The following TMEM117 variants were observed in gnomAD, a reference collection of about 807,000 sequenced individuals.
The protein encoded by TMEM117 is transmembrane protein 117.
In TMEM117, 27 loss-of-function variants were observed where a neutral mutation model predicts 52.4. That is an observed-to-expected ratio of 0.51 (90% CI 0.38 to 0.71). TMEM117 has a LOEUF of 0.71. Among genes scored for constraint, TMEM117 ranks in the 30% least tolerant of loss-of-function variants. The pLI is 0.00. For missense variants in TMEM117, 556 were observed against 630.5 expected (o/e 0.88, Z 1.26); for synonymous variants, 215 against 206.3 (o/e 1.04, Z -0.36).
In TMEM117 at chr12:43,952,942, C is replaced by A. The variant is rs149992423; in HGVS notation, c.410+8600C>A. The stretch of plus-strand genomic sequence containing the variant: ...GGAAGCCCATCAGACTAACAGCAGA[C>A]CCCTAAGCAGAAACCCTGCAAGCCA... On this transcript the variant is annotated intron_variant, in intron 3 of 7. Coordinates refer to ENST00000266534, the MANE Select transcript of TMEM117 (RefSeq NM_032256.3). 1.3e-3 allele frequency among the ~76,000 whole-genome samples: 197 copies of A among 152,236 alleles called. 1 individual carries two copies. The highest frequency in any genetic ancestry group is 4.6e-3 in the African/African-American group (189 of 41,534).
At chr12:44,272,554 G>A (rs192575584) in intron 5 of TMEM117, among the ~76,000 whole-genome samples, 5 of 152,228 alleles carry the variant, frequency 3.3e-5, no homozygotes, top group African/African-American at 4.8e-5. Context: ...CAACAAGTGG[G>A]CGAAGGATAT....
At chr12:44,164,968 A>G (rs1261986489) in intron 4 of TMEM117, among the ~76,000 whole-genome samples, 1 of 152,178 alleles carries the variant, frequency 6.6e-6, no homozygotes, top group African/African-American at 2.4e-5. Flanking sequence ...TATACAATAT[A>G]TTGTTAACTA....
At chr12:44,364,260 AC>A (rs1951761216) in intron 6 of TMEM117, among the ~76,000 whole-genome samples, 1 of 152,008 alleles carries the variant, frequency 6.6e-6, no homozygotes, top group South Asian at 2.1e-4. Flanking sequence ...CATTTTCAGA[AC>A]CATGGGTTTA....
intron 2 of TMEM117, among the ~76,000 whole-genome samples, chr12:43,938,926 G>A (rs1944998301): frequency 6.6e-6 from 1 of 152,106 alleles, no homozygotes; most frequent in South Asian, 2.1e-4. Context: ...CTTGAGCCCA[G>A]GCGGTGGAGG....
intron 3 of TMEM117, among the ~76,000 whole-genome samples, chr12:44,038,485 C>T (rs1480722451): frequency 1.3e-5 from 2 of 152,198 alleles, no homozygotes; most frequent in Non-Finnish European, 2.9e-5. Flanking sequence ...GCAGTGACTG[C>T]ACCCCATACT....
intron 2 of TMEM117, among the ~76,000 whole-genome samples, chr12:43,902,776 G>A (rs571738308): frequency 6.6e-6 from 1 of 152,152 alleles, no homozygotes; most frequent in African/African-American, 2.4e-5. Flanking sequence ...TTACTCAAAT[G>A]GCATCAAGTA....
intron 3 of TMEM117, among the ~76,000 whole-genome samples, chr12:44,003,931 T>C (rs2638852): frequency 0.99 from 150,739 of 152,328 alleles, 74,604 homozygotes; most frequent in Middle Eastern, 1. Flanking sequence ...AGGGCAGACT[T>C]GGCACTAATG....
the TMEM117 span, chr12:43,800,652 C>A: frequency 1.2e-5 from 8 of 687,956 alleles, no homozygotes; most frequent in South Asian, 1.9e-5. Flanking sequence ...TGAAGTCCAC[C>A]CACTATAATA....
chr12:44,355,924 A>G (rs767188039), intron 6 of TMEM117, among the ~76,000 whole-genome samples: 4 of 152,122 alleles, frequency 2.6e-5, no homozygotes, highest in African/African-American at 4.8e-5. Flanking sequence ...AGACTGTTTC[A>G]TAAAGATTGG....
At position 43,999,321 on chromosome 12, in the gene TMEM117, GAA is replaced by G. The variant is rs560958405; in HGVS notation, c.410+54983_410+54984del. On this transcript the variant is annotated intron_variant, in intron 3 of 7. Transcript: ENST00000266534. ...GTTTCTTTTAAAATGCATATAAATA[GAA>G]AAACTTTCTTGTGACCATGAGGCTA... 9.7e-4 allele frequency among the ~76,000 whole-genome samples: 147 copies of G among 152,238 alleles called. 3 individuals are homozygous for G. In the South Asian group the frequency reaches 0.028, roughly 29 times the overall value.
At chr12:44,250,321 A>C (rs922509937) in intron 5 of TMEM117, among the ~76,000 whole-genome samples, 2 of 152,152 alleles carry the variant, frequency 1.3e-5, no homozygotes, top group Non-Finnish European at 2.9e-5. Flanking sequence ...TGGCTATTAT[A>C]AAAAAGTCAG....
intron 2 of TMEM117, among the ~76,000 whole-genome samples, chr12:43,933,768 G>T (rs1267062071): frequency 6.7e-6 from 1 of 150,100 alleles, no homozygotes; most frequent in Non-Finnish European, 1.5e-5. Context: ...TCACTGTGTT[G>T]GCCAGGATGG....
intron 6 of TMEM117, among the ~76,000 whole-genome samples, chr12:44,341,200 CCA>C (rs1241492073): frequency 1.3e-5 from 2 of 151,780 alleles, no homozygotes; most frequent in African/African-American, 4.8e-5. Context: ...CAGAGTCTCA[CCA>C]TGTTGCCTAG....
intron 1 of TMEM117, among the ~76,000 whole-genome samples, chr12:43,836,437 A>G (rs951057716): frequency 6.6e-6 from 1 of 152,016 alleles, no homozygotes; most frequent in Non-Finnish European, 1.5e-5. Flanking sequence ...GGGACGCGCC[A>G]GCCCTCTGGC....
At chr12:44,008,165 A>G (rs1946231696) in intron 3 of TMEM117, among the ~76,000 whole-genome samples, 1 of 152,180 alleles carries the variant, frequency 6.6e-6, no homozygotes, top group South Asian at 2.1e-4. Context: ...ACTGCCTCCC[A>G]GATTGAATGA....
chr12:44,244,136 A>ATG (rs1950099604), intron 5 of TMEM117, among the ~76,000 whole-genome samples: 1 of 152,000 alleles, frequency 6.6e-6, no homozygotes, highest in Non-Finnish European at 1.5e-5. Context: ...TTGTATATAT[A>ATG]TCCAGACTTG....
chr12:43,805,489 G>A, the TMEM117 span: 1 of 454,552 alleles, frequency 2.2e-6, no homozygotes, highest in African/African-American at 2.0e-5. Context: ...GAGTAACCCG[G>A]GGATATATTA....
chr12:44,272,674 C>T (rs1277353943), intron 5 of TMEM117, among the ~76,000 whole-genome samples: 1 of 152,126 alleles, frequency 6.6e-6, no homozygotes, highest in African/African-American at 2.4e-5. Context: ...CAATGAGATA[C>T]CATCTCACAC....
chr12:44,298,819 C>T lies in TMEM117; in HGVS notation c.609-761C>T, dbSNP rs998499649. Among the ~76,000 whole-genome samples the T allele has an allele frequency of 2.7e-5, 4 of 150,738 alleles. 1 individual carries two copies. The highest frequency in any genetic ancestry group is 1.0e-4 in the African/African-American group (4 of 40,052). ...CATTATTGGCTTTTAGAGGTGGTCC[C>T]TGTATGGAGCTTATCAAGTCTTAGA... On this transcript the variant is annotated intron_variant, in intron 5 of 7. Coordinates refer to ENST00000266534, the MANE Select transcript of TMEM117 (RefSeq NM_032256.3).
Sources: allele counts gnomAD v4.1 joint callset (sites outside exome capture counted in the v4.1 genomes callset), GRCh38; gene constraint gnomAD v4.1.1; transcripts MANE v1.5; gene names NCBI Gene and HGNC (gene_info 2026-07-23, HGNC 2026-07-21).